Variants in GRB10 observed in about 807,000 individuals in gnomAD.
GRB10 encodes growth factor receptor bound protein 10, also known as growth factor receptor-bound protein 10.
GRB10 carries 20 observed loss-of-function variants against 80.9 expected under a neutral mutation model. The observed-to-expected ratio is 0.25, with a 90% CI of 0.17 to 0.36. The LOEUF (loss-of-function observed/expected upper bound fraction) is 0.36, where lower values mean the gene tolerates loss of function less well. Ranked by LOEUF, GRB10 falls within the 10% of genes least tolerant of loss-of-function variation. The pLI, the probability that GRB10 is intolerant of heterozygous loss-of-function variation, is 1.00. For missense variants in GRB10, 548 were observed against 747.7 expected, an observed-to-expected ratio of 0.73 and a Z score of 3.12; for synonymous variants, 291 against 291.5, an observed-to-expected ratio of 1.00 and a Z score of 0.02.
At chr7:50,713,689 G>GTCACCTCCACCTCCTCCATCC (rs2066332921) in intron 4 of GRB10, among the ~76,000 whole-genome samples, 2 of 27,380 alleles carry the variant, frequency 7.3e-5, no homozygotes, top group Admixed American at 9.1e-4. Flanking sequence ...CTCCTCCATT[G>GTCACCTCCACCTCCTCCATCC]TCACCTCCAC....
At chr7:50,605,097 G>A in intron 15 of GRB10, 193 bp downstream of exon 15, 2 of 609,786 alleles carry the variant, frequency 3.3e-6, no homozygotes, top group South Asian at 3.9e-5. Flanking sequence ...GGGGACAGCG[G>A]GGAAAGGCTG....
intron 10 of GRB10, 49 bp downstream of exon 10, chr7:50,618,021 AT>A (rs764793000): frequency 7.2e-7 from 1 of 1,389,576 alleles, no homozygotes; most frequent in Non-Finnish European, 1.0e-6. Context: ...TTCCAAGAGG[AT>A]TTCTATTCAG....
Position 50,619,159 on chromosome 7 carries a change from G to T in GRB10, c.777+11C>A, listed in dbSNP as rs1438566050. Reference sequence around the variant, plus strand: ...AGTCCCAAACCCCAAACCTGAAGAGGTAAGACTCACCATGGGATTTTTAAA... The same window carrying T: ...AGTCCCAAACCCCAAACCTGAAGAGTTAAGACTCACCATGGGATTTTTAAA... On this transcript the variant is annotated intron_variant, in intron 9 of 18. Transcript: ENST00000401949. 6.8e-7 allele frequency: 1 copy of T among 1,476,828 alleles called. No homozygotes were observed. Among genetic ancestry groups the T allele is most frequent in the Non-Finnish European group, 9.5e-7 (1 of 1,054,664 alleles). 91.5% of individuals were successfully genotyped at this position (1,476,828 alleles called of 1,614,324 possible).
intron 2 of GRB10, among the ~76,000 whole-genome samples, chr7:50,777,429 T>TATACACACAC (rs1554316306): frequency 0.03 from 4,335 of 146,248 alleles, 238 homozygotes; most frequent in African/African-American, 0.1. Context: ...GCAATCTGTA[T>TATACACACAC]ACACACACAC....
intron 1 of GRB10, chr7:50,781,388 A>G (rs2078258098): frequency 6.6e-6 from 1 of 152,184 alleles, no homozygotes; most frequent in African/African-American, 2.4e-5. Context: ...ACCCAGGCCA[A>G]AGGGGGAATG....
chr7:50,706,408 C>T (rs142312429), intron 4 of GRB10, among the ~76,000 whole-genome samples: 1 of 152,266 alleles, frequency 6.6e-6, no homozygotes, highest in African/African-American at 2.4e-5. Context: ...GCTTAGGATC[C>T]CTAGAAGTAG....
At chr7:50,605,776 GGGACGTGGGTTCAGGAAAACTCGT>G (rs1452759956) in intron 14 of GRB10, among the ~76,000 whole-genome samples, 4 of 152,138 alleles carry the variant, frequency 2.6e-5, no homozygotes, top group Admixed American at 1.3e-4. Flanking sequence ...CATTCCCTCG[GGGACGTGGGTTCAGGAAAACTCGT>G]GGACCCTTTC....
Position 50,592,817 on chromosome 7 carries a change from G to C in GRB10, c.*135C>G, listed in dbSNP as rs923796006. 3.9e-6 allele frequency: 4 copies of C among 1,019,584 alleles called. No individual in the cohort carries two copies. The Admixed American group carries it at 7.0e-5, about 18-fold the overall frequency. 63.2% of individuals were successfully genotyped at this position (1,019,584 alleles called of 1,614,324 possible). On this transcript the variant is annotated 3_prime_UTR_variant, in exon 19 of 19. Coordinates refer to ENST00000401949, the MANE Select transcript of GRB10 (RefSeq NM_001350814.2). ...TCCAACAAACTAGTCAATCTTGGTC[G>C]GCTGGCACCGAACAAACCCATCTCG...
Position 50,591,669 on chromosome 7 carries a change from GTGT to G in GRB10, c.*1280_*1282del, listed in dbSNP as rs2045862438. Reference sequence around the variant, plus strand: ...ACTCATCTCCCGGAGCGGGGACAAAGTGTTGTGTTGACAAAACTCTTCCATGTC... The same window carrying G: ...ACTCATCTCCCGGAGCGGGGACAAAGTGTGTTGACAAAACTCTTCCATGTC... On this transcript the variant is annotated 3_prime_UTR_variant, in exon 19 of 19. Transcript: ENST00000401949. The G allele has an allele frequency of 6.6e-6, 1 of 152,262 alleles. No homozygotes were observed. Among genetic ancestry groups the G allele is most frequent in the African/African-American group, 2.4e-5 (1 of 41,454 alleles). The allele number at this position is 152,262 out of a possible 1,614,324, so 9.4% of individuals were successfully genotyped here.
At chr7:50,608,097 C>T (rs2048854503) in intron 13 of GRB10, among the ~76,000 whole-genome samples, 1 of 152,178 alleles carries the variant, frequency 6.6e-6, no homozygotes, top group Non-Finnish European at 1.5e-5. Flanking sequence ...ATGCCAAAAA[C>T]TTTCCAAAGT....
chr7:50,674,702 G>C (rs2060734405), intron 5 of GRB10, 44 bp from the exon 6 acceptor site: 2 of 1,535,642 alleles, frequency 1.3e-6, no homozygotes, highest in Admixed American at 3.4e-5. Context: ...TTTAACAATG[G>C]AGAGCAATCA....
intron 18 of GRB10, among the ~76,000 whole-genome samples, chr7:50,593,453 G>C (rs1034693662): frequency 7.2e-5 from 11 of 152,114 alleles, no homozygotes; most frequent in Admixed American, 7.2e-4. Flanking sequence ...ACTGCACACA[G>C]CATGCCCCGA....
chr7:50,746,207 A>G (rs1213816002), intron 3 of GRB10, among the ~76,000 whole-genome samples: 1 of 152,246 alleles, frequency 6.6e-6, no homozygotes, highest in East Asian at 1.9e-4. Context: ...TTTTTAGTTA[A>G]GAATCTCCTT....
At chr7:50,598,743 G>A (rs2047071322) in intron 17 of GRB10, among the ~76,000 whole-genome samples, 1 of 152,234 alleles carries the variant, frequency 6.6e-6, no homozygotes, top group Non-Finnish European at 1.5e-5. Flanking sequence ...TTACAAGGGT[G>A]CTATGTGAGT....
chr7:50,703,842 CAG>C lies in GRB10; in HGVS notation c.116_117del (p.Ser39Ter). 6.2e-7 allele frequency: 1 copy of C among 1,613,146 alleles called. No homozygotes were observed. Among genetic ancestry groups the C allele is most frequent in the Non-Finnish European group, 8.5e-7 (1 of 1,179,342 alleles). On this transcript the variant is annotated frameshift_variant, in exon 5 of 19. Transcript: ENST00000401949. LOFTEE classifies it high-confidence loss of function. ...DPAGPGLPAQ[S>X]DRLANHQEDD... Reference sequence around the variant, plus strand: ...TTACCCTGGTGATTCGCAAGTCGGTCAGACTGTGCGGGGAGTCCTGGTCCTGC... The same window carrying C: ...TTACCCTGGTGATTCGCAAGTCGGTCACTGTGCGGGGAGTCCTGGTCCTGC...
At chr7:50,710,850 T>G in intron 4 of GRB10, 1 of 1,611,828 alleles carries the variant, frequency 6.2e-7, no homozygotes, top group Non-Finnish European at 8.5e-7. Context: ...AGGTACTGAG[T>G]GTTCGGTAGA....
At chr7:50,757,860 G>T (rs529630455) in intron 2 of GRB10, among the ~76,000 whole-genome samples, 2 of 152,182 alleles carry the variant, frequency 1.3e-5, no homozygotes, top group Non-Finnish European at 2.9e-5. Flanking sequence ...AAATGCCCAG[G>T]ACCACTTCCC....
intron 7 of GRB10, chr7:50,645,523 G>C: frequency 1.3e-6 from 1 of 796,234 alleles, no homozygotes; most frequent in Non-Finnish European, 1.5e-6. Flanking sequence ...CAAACAAAAA[G>C]GATCTGCTGA....
At chr7:50,597,790 G>A (rs557540229) in intron 17 of GRB10, among the ~76,000 whole-genome samples, 1 of 152,346 alleles carries the variant, frequency 6.6e-6, no homozygotes, top group Admixed American at 6.5e-5. Context: ...ATCCTGGATA[G>A]GTCACTTATT....
Sources: gnomAD v4.1 joint callset for allele counts (sites outside exome capture counted in the v4.1 genomes callset) on GRCh38, gnomAD v4.1.1 for gene constraint, MANE v1.5 for transcripts, NCBI Gene and HGNC (gene_info 2026-07-23, HGNC 2026-07-21) for gene names.